PLPPR1: variants seen among roughly 807,000 people sequenced by gnomAD.
PLPPR1 encodes the protein phospholipid phosphatase-related protein type 1.
In PLPPR1, 10 loss-of-function variants were observed where a neutral mutation model predicts 33.1. The ratio of observed to expected loss-of-function variants is 0.30; its 90% CI spans 0.19 to 0.51. PLPPR1 has a LOEUF of 0.51. Ranked by LOEUF, PLPPR1 falls within the 20% of genes least tolerant of loss-of-function variation. The probability of loss-of-function intolerance (pLI) is 0.97; values close to 1 mark genes in which losing one functional copy is unlikely to be tolerated. For synonymous variants in PLPPR1, 151 were observed against 151.0 expected (o/e 1.00, Z 0.00); for missense variants, 304 against 408.1 (o/e 0.74, Z 2.20).
At chr9:101,216,239 C>T (rs957540551) in intron 2 of PLPPR1, among the ~76,000 whole-genome samples, 1 of 152,156 alleles carries the variant, frequency 6.6e-6, no homozygotes, top group African/African-American at 2.4e-5. Flanking sequence ...GAGATGATAT[C>T]TTATTGGAGT....
At chr9:101,220,446 A>G (rs1038918543) in intron 2 of PLPPR1, among the ~76,000 whole-genome samples, 1 of 152,232 alleles carries the variant, frequency 6.6e-6, no homozygotes, top group Admixed American at 6.5e-5. Flanking sequence ...ACTGTTTTCA[A>G]ACTGACTGCT....
At chr9:101,303,934 T>C (rs1828798474) in intron 4 of PLPPR1, among the ~76,000 whole-genome samples, 1 of 152,178 alleles carries the variant, frequency 6.6e-6, no homozygotes, top group South Asian at 2.1e-4. Context: ...TACCCATCAA[T>C]ACTTCCCAAG....
intron 1 of PLPPR1, among the ~76,000 whole-genome samples, chr9:101,170,039 T>C (rs920614992): frequency 1.3e-5 from 2 of 151,876 alleles, no homozygotes; most frequent in Admixed American, 6.6e-5. Context: ...CTAGGGCCAA[T>C]GTAGAATCAA....
chr9:101,267,169 T>C (rs1228295380), intron 2 of PLPPR1, among the ~76,000 whole-genome samples: 1 of 152,186 alleles, frequency 6.6e-6, no homozygotes, highest in Non-Finnish European at 1.5e-5. Flanking sequence ...TATTTCATCT[T>C]CAAAACATCA....
intron 2 of PLPPR1, among the ~76,000 whole-genome samples, chr9:101,206,346 T>G (rs147977732): frequency 1.2e-3 from 176 of 152,340 alleles, no homozygotes; most frequent in African/African-American, 4.0e-3. Context: ...TGGTTAACTT[T>G]CTGGAAGTTC....
chr9:101,063,244 G>A (rs963319128), intron 1 of PLPPR1, among the ~76,000 whole-genome samples: 1 of 151,810 alleles, frequency 6.6e-6, no homozygotes, highest in African/African-American at 2.4e-5. Flanking sequence ...TGTTCTTCTG[G>A]ACCAAGCTGA....
intron 1 of PLPPR1, among the ~76,000 whole-genome samples, chr9:101,110,884 T>C (rs544149550): frequency 6.6e-6 from 1 of 152,148 alleles, no homozygotes; most frequent in Non-Finnish European, 1.5e-5. Flanking sequence ...TATTTTGGAA[T>C]TAATCTTATG....
chr9:101,140,851 A>G (rs1831442251), intron 1 of PLPPR1, among the ~76,000 whole-genome samples: 1 of 152,172 alleles, frequency 6.6e-6, no homozygotes, highest in Non-Finnish European at 1.5e-5. Context: ...GTACAGTACT[A>G]GGATGATAAA....
At chr9:101,223,780 C>G (rs576791581) in intron 2 of PLPPR1, among the ~76,000 whole-genome samples, 1 of 152,172 alleles carries the variant, frequency 6.6e-6, no homozygotes, top group Non-Finnish European at 1.5e-5. Flanking sequence ...TCAATTAAAC[C>G]TCTTTTCTTT....
At chr9:101,246,848 C>G (rs983642351) in intron 2 of PLPPR1, among the ~76,000 whole-genome samples, 1 of 152,056 alleles carries the variant, frequency 6.6e-6, no homozygotes, top group Non-Finnish European at 1.5e-5. Flanking sequence ...GTGGTGCACA[C>G]ATCTGGGAGT....
At chr9:101,157,749 C>A (rs938640390) in intron 1 of PLPPR1, among the ~76,000 whole-genome samples, 5 of 152,062 alleles carry the variant, frequency 3.3e-5, no homozygotes, top group Non-Finnish European at 5.9e-5. Context: ...TGCCTGTAAT[C>A]TCTGCACTTT....
At chr9:101,242,905 T>C (rs1024479037) in intron 2 of PLPPR1, among the ~76,000 whole-genome samples, 1 of 152,078 alleles carries the variant, frequency 6.6e-6, no homozygotes, top group Non-Finnish European at 1.5e-5. Context: ...TTCTCTGTCA[T>C]GTGCTATAAC....
chr9:101,291,436 G>A (rs1564028505), intron 4 of PLPPR1, among the ~76,000 whole-genome samples: 3 of 152,208 alleles, frequency 2.0e-5, no homozygotes, highest in Non-Finnish European at 4.4e-5. Flanking sequence ...GAAAAGAGCA[G>A]TGGTTCTCCC....
chr9:101,272,583 A>T (rs932382952), intron 3 of PLPPR1, among the ~76,000 whole-genome samples: 1 of 152,202 alleles, frequency 6.6e-6, no homozygotes, highest in African/African-American at 2.4e-5. Context: ...CTCAAATGTA[A>T]ATACCCTTAA....
At position 101,114,060 on chromosome 9, in the gene PLPPR1, G is replaced by C. The variant is rs543003026; in HGVS notation, c.-45-71390G>C. Among the ~76,000 whole-genome samples, 321 of 151,642 alleles carry C rather than the reference G, an allele frequency of 2.1e-3. 2 individuals carry two copies. The highest frequency in any genetic ancestry group is 0.014 in the Middle Eastern group (4 of 294). On this transcript the variant is annotated intron_variant, in intron 1 of 7. Transcript: ENST00000374874. Reference sequence around the variant, plus strand: ...CAGATGGTCTGAAGCATTAAAAAAAGTGTAGGCGTTTTCCTTTCAAATGAA... The same window carrying C: ...CAGATGGTCTGAAGCATTAAAAAAACTGTAGGCGTTTTCCTTTCAAATGAA...
intron 1 of PLPPR1, among the ~76,000 whole-genome samples, chr9:101,033,750 C>T (rs1444838376): frequency 6.6e-6 from 1 of 152,132 alleles, no homozygotes; most frequent in Non-Finnish European, 1.5e-5. Flanking sequence ...GACTCCTATT[C>T]CCACTTTACA....
At chr9:101,130,617 C>G (rs1312940986) in intron 1 of PLPPR1, among the ~76,000 whole-genome samples, 1 of 152,090 alleles carries the variant, frequency 6.6e-6, no homozygotes, top group African/African-American at 2.4e-5. Flanking sequence ...TCTGCTGATT[C>G]CCAACCAATT....
intron 4 of PLPPR1, among the ~76,000 whole-genome samples, chr9:101,290,038 A>G (rs1350208738): frequency 6.6e-6 from 1 of 152,184 alleles, no homozygotes; most frequent in African/African-American, 2.4e-5. Context: ...GGAGGGGTGA[A>G]GGAATGCATC....
chr9:101,078,192 G>A (rs1223723264), intron 1 of PLPPR1, among the ~76,000 whole-genome samples: 8 of 21,032 alleles, frequency 3.8e-4, no homozygotes, highest in South Asian at 2.3e-3. Context: ...GAAGAGGAGG[G>A]GGGGAGGGGG....
Sources: gnomAD v4.1 joint callset for allele counts (sites outside exome capture counted in the v4.1 genomes callset) on GRCh38, gnomAD v4.1.1 for gene constraint, MANE v1.5 for transcripts, NCBI Gene and HGNC (gene_info 2026-07-23, HGNC 2026-07-21) for gene names.